SLC35D4: variants seen among roughly 807,000 people sequenced by gnomAD.
SLC35D4 encodes the protein solute carrier family 35 member D4.
At chr18:23,389,064 A>C in the SLC35D4 span, among the ~76,000 whole-genome samples, 2 of 137,366 alleles carry the variant, frequency 1.5e-5, no homozygotes, top group Non-Finnish European at 3.0e-5. Flanking sequence ...ATCTTGGCTC[A>C]CTGCAACCTC....
At chr18:23,394,543 C>T in the SLC35D4 span, among the ~76,000 whole-genome samples, 1 of 152,076 alleles carries the variant, frequency 6.6e-6, no homozygotes, top group South Asian at 2.1e-4. Context: ...TTTAAAGCAC[C>T]AAAATTTTTC....
the SLC35D4 span, chr18:23,252,863 A>G: frequency 7.9e-6 from 6 of 758,776 alleles, no homozygotes; most frequent in Non-Finnish European, 1.4e-5. Context: ...CCCGTTGCTC[A>G]TGGCTTTGGG....
the SLC35D4 span, among the ~76,000 whole-genome samples, chr18:23,337,667 C>T: frequency 2.0e-5 from 3 of 152,054 alleles, no homozygotes; most frequent in East Asian, 1.9e-4. Flanking sequence ...ATGAGTTCAT[C>T]GTATATTTCA....
At chr18:23,422,288 C>T in the SLC35D4 span, among the ~76,000 whole-genome samples, 1 of 152,016 alleles carries the variant, frequency 6.6e-6, no homozygotes, top group Non-Finnish European at 1.5e-5. Context: ...CCCTCCCATC[C>T]TCCCTACCAA....
the SLC35D4 span, chr18:23,331,422 C>T: frequency 6.6e-6 from 1 of 152,146 alleles, no homozygotes; most frequent in Non-Finnish European, 1.5e-5. Flanking sequence ...ACAGGAGACA[C>T]CACAAAGCAA....
the SLC35D4 span, among the ~76,000 whole-genome samples, chr18:23,338,725 A>G: frequency 6.6e-6 from 1 of 152,158 alleles, no homozygotes; most frequent in Non-Finnish European, 1.5e-5. Flanking sequence ...CTAATTTTGC[A>G]ATATGTCCCC....
At chr18:23,419,268 C>T in the SLC35D4 span, among the ~76,000 whole-genome samples, 1 of 151,962 alleles carries the variant, frequency 6.6e-6, no homozygotes, top group Non-Finnish European at 1.5e-5. Context: ...TAGATAATGT[C>T]ATGGTCTTTA....
At chr18:23,363,317 C>T in the SLC35D4 span, among the ~76,000 whole-genome samples, 7 of 146,512 alleles carry the variant, frequency 4.8e-5, no homozygotes, top group African/African-American at 1.8e-4. Context: ...ATGTAAACCA[C>T]GGAGAATCTG....
At chr18:23,275,613 T>TGTGCC in the SLC35D4 span, among the ~76,000 whole-genome samples, 6 of 127,990 alleles carry the variant, frequency 4.7e-5, no homozygotes, top group African/African-American at 1.7e-4. Flanking sequence ...TGTGCTGTGC[T>TGTGCC]GTGCTGTGCT....
the SLC35D4 span, among the ~76,000 whole-genome samples, chr18:23,335,547 G>A: frequency 5.6e-4 from 85 of 152,190 alleles, no homozygotes; most frequent in African/African-American, 2.0e-3. Flanking sequence ...AAAGAAAACC[G>A]AACCCCTATA....
chr18:23,311,519 C>T, the SLC35D4 span, among the ~76,000 whole-genome samples: 11 of 152,086 alleles, frequency 7.2e-5, no homozygotes, highest in Non-Finnish European at 4.4e-5. Flanking sequence ...GTTGTACTAA[C>T]CACATAAGTG....
the SLC35D4 span, among the ~76,000 whole-genome samples, chr18:23,361,008 A>G: frequency 6.7e-6 from 1 of 149,086 alleles, no homozygotes; most frequent in Non-Finnish European, 1.5e-5. Flanking sequence ...AGGCTGACAC[A>G]GGAGAATCAC....
chr18:23,412,963 T>C, the SLC35D4 span, among the ~76,000 whole-genome samples: 1 of 152,218 alleles, frequency 6.6e-6, no homozygotes, highest in African/African-American at 2.4e-5. Context: ...TGCTCAAGGC[T>C]TCACACACTA....
At chr18:23,306,846 G>C in the SLC35D4 span, among the ~76,000 whole-genome samples, 1 of 152,178 alleles carries the variant, frequency 6.6e-6, no homozygotes, top group Non-Finnish European at 1.5e-5. Context: ...TAAAACAAAG[G>C]ACAGAAGACC....
the SLC35D4 span, chr18:23,356,457 G>A: frequency 2.4e-6 from 2 of 831,818 alleles, no homozygotes. The surrounding 1 kb of genome is among the most constrained non-coding windows in gnomAD (Gnocchi z 4.1). Flanking sequence ...GTGACATAAT[G>A]ACTGCTTCCT....
chr18:23,392,504 A>G, the SLC35D4 span, among the ~76,000 whole-genome samples: 20 of 152,342 alleles, frequency 1.3e-4, no homozygotes, highest in South Asian at 4.1e-4. Flanking sequence ...AGCCTCCAGT[A>G]CAAGCTGGGA....
the SLC35D4 span, chr18:23,430,543 AT>A: frequency 4.2e-5 from 48 of 1,137,058 alleles, no homozygotes; most frequent in Admixed American, 9.0e-5. Context: ...GACAAAAAAA[AT>A]CTATGCAGTT....
the SLC35D4 span, among the ~76,000 whole-genome samples, chr18:23,242,077 A>C: frequency 2.0e-5 from 3 of 152,170 alleles, no homozygotes; most frequent in Non-Finnish European, 4.4e-5. Context: ...GGAGTTCAAG[A>C]GCAGCCTGAC....
chr18:23,386,837 C>T, the SLC35D4 span, among the ~76,000 whole-genome samples: 9 of 151,968 alleles, frequency 5.9e-5, no homozygotes, highest in Non-Finnish European at 1.2e-4. Flanking sequence ...GAGTGGCATA[C>T]TCTCCTAATG....
Sources: gnomAD v4.1 joint callset for allele counts (sites outside exome capture counted in the v4.1 genomes callset) on GRCh38, gnomAD v4.1.1 for gene constraint, Gnocchi (gnomAD v3.1) non-coding constraint, MANE v1.5 for transcripts, NCBI Gene and HGNC (gene_info 2026-07-23, HGNC 2026-07-21) for gene names.